The following SGCZ variants were observed in gnomAD, a reference collection of about 807,000 sequenced individuals.
SGCZ encodes the protein zeta-sarcoglycan.
A neutral mutation model predicts 41.3 loss-of-function variants in SGCZ; 40 were observed. That is an observed-to-expected ratio of 0.97 (90% CI 0.75 to 1.26). SGCZ has a LOEUF of 1.26. Ranked by LOEUF, SGCZ falls within the 50% of genes most tolerant of loss-of-function variation. SGCZ has a pLI of 0.00. For synonymous variants in SGCZ, 206 were observed against 137.5 expected (o/e 1.50, Z -3.49); for missense variants, 552 against 369.8 (o/e 1.49, Z -4.04).
intron 2 of SGCZ, among the ~76,000 whole-genome samples, chr8:14,508,630 C>G (rs17119509): frequency 1.3e-5 from 2 of 152,070 alleles, no homozygotes; most frequent in African/African-American, 2.4e-5. Context: ...CTTTCCCCAT[C>G]GGTGGCATTC....
intron 1 of SGCZ, among the ~76,000 whole-genome samples, chr8:14,639,346 C>T (rs1806942918): frequency 6.6e-6 from 1 of 151,532 alleles, no homozygotes; most frequent in Non-Finnish European, 1.5e-5. Context: ...ATGACTTTTC[C>T]TGAAGTTCCC....
intron 2 of SGCZ, among the ~76,000 whole-genome samples, chr8:14,418,160 T>C (rs1475055383): frequency 6.6e-6 from 1 of 151,802 alleles, no homozygotes; most frequent in African/African-American, 2.4e-5. Flanking sequence ...TGGGAGAAAT[T>C]TTACATATTA....
intron 1 of SGCZ, among the ~76,000 whole-genome samples, chr8:14,899,514 TCAA>T (rs1377115742): frequency 6.6e-6 from 1 of 152,320 alleles, no homozygotes; most frequent in East Asian, 1.9e-4. Flanking sequence ...AGCCATTTCC[TCAA>T]CAGACTAGGG....
chr8:14,323,047 G>C (rs937031448), intron 3 of SGCZ, among the ~76,000 whole-genome samples: 17 of 151,902 alleles, frequency 1.1e-4, no homozygotes, highest in African/African-American at 4.1e-4. Flanking sequence ...GAAACTAAAG[G>C]AGTACCAAAA....
chr8:14,936,645 T>G lies in SGCZ; in HGVS notation c.39+300940A>C, dbSNP rs565126232. 6.6e-5 allele frequency among the ~76,000 whole-genome samples: 10 copies of G among 152,044 alleles called. No individual in the cohort carries two copies. In the South Asian group the frequency reaches 1.7e-3, roughly 25 times the overall value. On this transcript the variant is annotated intron_variant, in intron 1 of 7. Coordinates refer to ENST00000382080, the MANE Select transcript of SGCZ (RefSeq NM_139167.4). ...TCATTATAGAATCCCTATTATTTTT[T>G]GGTTCATAAGGATAAAAATAGACCA...
intron 1 of SGCZ, among the ~76,000 whole-genome samples, chr8:14,977,351 A>G (rs1268499508): frequency 2.0e-5 from 3 of 152,314 alleles, no homozygotes; most frequent in East Asian, 3.9e-4. Context: ...CTTAATGACT[A>G]ATGAGACAAT....
chr8:14,976,230 C>T (rs949913773), intron 1 of SGCZ, among the ~76,000 whole-genome samples: 3 of 151,750 alleles, frequency 2.0e-5, no homozygotes, highest in African/African-American at 7.3e-5. Flanking sequence ...ACCATGTTGG[C>T]CAGGATGGTT....
chr8:14,144,498 T>C (rs560958329), intron 5 of SGCZ, among the ~76,000 whole-genome samples: 1 of 152,210 alleles, frequency 6.6e-6, no homozygotes, highest in East Asian at 1.9e-4. Context: ...GTTGAGGGCA[T>C]TGGGTGAGAT....
At chr8:14,979,773 A>G (rs1372662349) in intron 1 of SGCZ, among the ~76,000 whole-genome samples, 3 of 152,246 alleles carry the variant, frequency 2.0e-5, no homozygotes, top group African/African-American at 7.2e-5. Flanking sequence ...ATATGAATAG[A>G]CAGTGATAGC....
chr8:14,257,684 C>T (rs1799514185), intron 3 of SGCZ, among the ~76,000 whole-genome samples: 1 of 149,854 alleles, frequency 6.7e-6, no homozygotes, highest in Non-Finnish European at 1.5e-5. Context: ...TTCCTGTGTC[C>T]AAGTGTTCTC....
chr8:14,265,796 AT>A (rs377038814), intron 3 of SGCZ, among the ~76,000 whole-genome samples: 12 of 152,046 alleles, frequency 7.9e-5, no homozygotes, highest in African/African-American at 2.7e-4. Flanking sequence ...TTAAAAAAAA[AT>A]CACACAGAAA....
chr8:14,604,687 G>T (rs1008230908), intron 1 of SGCZ, among the ~76,000 whole-genome samples: 2 of 152,026 alleles, frequency 1.3e-5, no homozygotes, highest in African/African-American at 4.8e-5. Flanking sequence ...CATTATAAAC[G>T]CAGACTGCTC....
chr8:14,935,553 G>T (rs1175980443), intron 1 of SGCZ, among the ~76,000 whole-genome samples: 1 of 151,796 alleles, frequency 6.6e-6, no homozygotes, highest in African/African-American at 2.4e-5. Context: ...GTACTCTTAA[G>T]ATCATTGAAT....
intron 4 of SGCZ, among the ~76,000 whole-genome samples, chr8:14,205,590 T>A (rs955751186): frequency 2.0e-5 from 3 of 152,124 alleles, no homozygotes; most frequent in Non-Finnish European, 4.4e-5. Flanking sequence ...AAATGATCTA[T>A]TATATTTTCT....
At chr8:15,007,375 T>C (rs1802642879) in intron 1 of SGCZ, among the ~76,000 whole-genome samples, 1 of 152,220 alleles carries the variant, frequency 6.6e-6, no homozygotes, top group South Asian at 2.1e-4. Flanking sequence ...TATCTTGCAA[T>C]TTGTTAAAAA....
intron 1 of SGCZ, among the ~76,000 whole-genome samples, chr8:14,672,506 G>A (rs972005444): frequency 6.6e-6 from 1 of 152,154 alleles, no homozygotes; most frequent in Non-Finnish European, 1.5e-5. Flanking sequence ...ATGTTTTAAA[G>A]ATGATTCAAA....
At chr8:14,179,955 A>G (rs926020527) in intron 4 of SGCZ, among the ~76,000 whole-genome samples, 1 of 152,228 alleles carries the variant, frequency 6.6e-6, no homozygotes, top group African/African-American at 2.4e-5. Flanking sequence ...AAACCGGCCC[A>G]AGCACTAGGG....
chr8:14,494,113 T>G (rs1801921683), intron 2 of SGCZ, among the ~76,000 whole-genome samples: 1 of 152,214 alleles, frequency 6.6e-6, no homozygotes, highest in African/African-American at 2.4e-5. Context: ...AGTTTCTTGC[T>G]TCTTATCCTC....
At chr8:14,563,143 C>G (rs925054523) in intron 1 of SGCZ, among the ~76,000 whole-genome samples, 4 of 152,156 alleles carry the variant, frequency 2.6e-5, no homozygotes, top group African/African-American at 9.7e-5. Flanking sequence ...GTCGCCTCCT[C>G]CACAGTGTGC....
Sources: gnomAD v4.1 joint callset for allele counts (sites outside exome capture counted in the v4.1 genomes callset) on GRCh38, gnomAD v4.1.1 for gene constraint, MANE v1.5 for transcripts, NCBI Gene and HGNC (gene_info 2026-07-23, HGNC 2026-07-21) for gene names.